FMN1: variants seen among roughly 807,000 people sequenced by gnomAD.
The protein encoded by FMN1 is formin-1.
Under a neutral mutation model 132.4 loss-of-function variants are expected in FMN1, and 110 were observed. That is an observed-to-expected ratio of 0.83 (90% CI 0.71 to 0.97). The LOEUF is 0.97. FMN1 is among the 50% of genes least tolerant of loss of function. FMN1 has a pLI of 0.00. For synonymous variants in FMN1, 722 were observed against 651.7 expected (o/e 1.11, Z -1.64); for missense variants, 1,792 against 1,705.3 (o/e 1.05, Z -0.90).
intron 4 of FMN1, among the ~76,000 whole-genome samples, chr15:33,126,056 A>G (rs1415205876): frequency 6.6e-6 from 1 of 152,164 alleles, no homozygotes; most frequent in Non-Finnish European, 1.5e-5. Flanking sequence ...AAAAACAGAT[A>G]AGGTGGATGA....
At chr15:32,959,668 G>C (rs572680753) in intron 9 of FMN1, among the ~76,000 whole-genome samples, 1 of 152,240 alleles carries the variant, frequency 6.6e-6, no homozygotes, top group South Asian at 2.1e-4. Context: ...CTCAGACAGA[G>C]AAACAAAATA....
chr15:32,902,271 T>C (rs1212385267), intron 12 of FMN1, among the ~76,000 whole-genome samples: 1 of 152,190 alleles, frequency 6.6e-6, no homozygotes, highest in Non-Finnish European at 1.5e-5. Context: ...GGTATAGAAA[T>C]TCCTTCGGGA....
intron 19 of FMN1, among the ~76,000 whole-genome samples, chr15:32,794,922 G>A (rs749541361): frequency 2.6e-5 from 4 of 152,218 alleles, no homozygotes; most frequent in South Asian, 2.1e-4. Flanking sequence ...AGGATCAGGC[G>A]TGGTGGCTCA....
chr15:33,019,549 A>G (rs1383411910), intron 6 of FMN1, among the ~76,000 whole-genome samples: 1 of 152,066 alleles, frequency 6.6e-6, no homozygotes, highest in Non-Finnish European at 1.5e-5. Flanking sequence ...CTTGTCGGGG[A>G]GGCTCTGGCA....
rs2038296925 is a variant in FMN1, at chr15:33,078,144, G to A, written c.2043+10655C>T. Among the ~76,000 whole-genome samples the A allele has an allele frequency of 2.0e-5, 3 of 152,318 alleles. No homozygotes were observed. In the South Asian group the frequency reaches 6.2e-4, roughly 32 times the overall value. ...ACACACTAGCTTTTTGTCACTTGAGGCAGGTTCTTTAACGTCTCTAAGATA... is the reference window on the plus strand; with the variant it reads ...ACACACTAGCTTTTTGTCACTTGAGACAGGTTCTTTAACGTCTCTAAGATA... On this transcript the variant is annotated intron_variant, in intron 5 of 20. Coordinates refer to ENST00000616417, the MANE Select transcript of FMN1 (RefSeq NM_001277313.2).
chr15:32,993,795 CCTGT>C (rs2033590294), intron 7 of FMN1, among the ~76,000 whole-genome samples: 1 of 151,302 alleles, frequency 6.6e-6, no homozygotes, highest in South Asian at 2.1e-4. Flanking sequence ...CTCTCTTGAC[CCTGT>C]CTTAGAGCCA....
intron 16 of FMN1, among the ~76,000 whole-genome samples, chr15:32,881,625 A>C (rs2141442247): frequency 6.6e-6 from 1 of 152,308 alleles, no homozygotes; most frequent in South Asian, 2.1e-4. Flanking sequence ...TAGTAATTAA[A>C]GAAAATTTTC....
At chr15:32,856,090 G>C (rs2059125613) in intron 17 of FMN1, among the ~76,000 whole-genome samples, 1 of 152,192 alleles carries the variant, frequency 6.6e-6, no homozygotes, top group Admixed American at 6.5e-5. Flanking sequence ...CTGACTCATA[G>C]ACTGAGAATT....
At chr15:32,823,715 AT>A (rs1210266002) in intron 17 of FMN1, among the ~76,000 whole-genome samples, 1 of 152,240 alleles carries the variant, frequency 6.6e-6, no homozygotes, top group Admixed American at 6.5e-5. Context: ...TGGTGGTACA[AT>A]CATAACCATT....
At chr15:33,153,007 C>T in intron 4 of FMN1, 41 bp downstream of exon 4, 1 of 1,446,780 alleles carries the variant, frequency 6.9e-7, no homozygotes, top group Non-Finnish European at 9.1e-7. Flanking sequence ...GTTCCCCAAT[C>T]AGCCAAGAAT....
At chr15:33,028,528 AAAATAAAAAT>A (rs942588973) in intron 6 of FMN1, among the ~76,000 whole-genome samples, 119 of 151,808 alleles carry the variant, frequency 7.8e-4, no homozygotes, top group African/African-American at 2.6e-3. Context: ...AATAAAAATA[AAAATAAAAAT>A]AAATAAATAA....
Position 32,942,788 on chromosome 15 carries a change from A to T in FMN1, c.3139-16527T>A, listed in dbSNP as rs907837786. Among the ~76,000 whole-genome samples, 7 of 152,168 alleles carry T rather than the reference A, an allele frequency of 4.6e-5. No homozygotes were observed. In the East Asian group the frequency reaches 7.7e-4, roughly 17 times the overall value. On this transcript the variant is annotated intron_variant, in intron 9 of 20. Coordinates refer to ENST00000616417, the MANE Select transcript of FMN1 (RefSeq NM_001277313.2). ...CCTAGAGCCTGGCAAATAAGCAGAGAGTTTTTTCAAATACAGCCACATGTG... is the reference window on the plus strand; with the variant it reads ...CCTAGAGCCTGGCAAATAAGCAGAGTGTTTTTTCAAATACAGCCACATGTG...
chr15:33,165,100 T>C (rs1566962442), intron 3 of FMN1, among the ~76,000 whole-genome samples: 2 of 152,250 alleles, frequency 1.3e-5, no homozygotes, highest in Non-Finnish European at 1.5e-5. Context: ...AGGAGATTCC[T>C]ACTCGTTGAA....
chr15:32,980,676 T>C (rs768445307), intron 7 of FMN1, among the ~76,000 whole-genome samples: 3 of 152,244 alleles, frequency 2.0e-5, no homozygotes, highest in Non-Finnish European at 2.9e-5. Context: ...TCTATGTCTC[T>C]AAAATGGTTT....
At chr15:33,115,841 T>G (rs2039902590) in intron 4 of FMN1, among the ~76,000 whole-genome samples, 1 of 152,176 alleles carries the variant, frequency 6.6e-6, no homozygotes, top group Non-Finnish European at 1.5e-5. Context: ...GTCATGAGAT[T>G]TTATTAACCT....
intron 7 of FMN1, among the ~76,000 whole-genome samples, chr15:32,988,942 A>G (rs2033259327): frequency 6.6e-6 from 1 of 152,224 alleles, no homozygotes; most frequent in Non-Finnish European, 1.5e-5. Context: ...GTCTAAACGC[A>G]CAACATCTGA....
At chr15:32,929,391 C>T (rs2061047301) in intron 9 of FMN1, among the ~76,000 whole-genome samples, 1 of 152,010 alleles carries the variant, frequency 6.6e-6, no homozygotes, top group Non-Finnish European at 1.5e-5. Context: ...TTTTTTTTCT[C>T]CCATGGCTTT....
chr15:33,079,514 T>G (rs1482856488), intron 5 of FMN1, among the ~76,000 whole-genome samples: 1 of 152,172 alleles, frequency 6.6e-6, no homozygotes, highest in African/African-American at 2.4e-5. Flanking sequence ...TCCCAGCTAC[T>G]TGGGAGGCTG....
rs888443650 is a variant in FMN1 at position 32,971,664 on chromosome 15, G to C, written c.2224-2187C>G. 5.9e-5 allele frequency among the ~76,000 whole-genome samples: 9 copies of C among 152,106 alleles called. 1 individual carries two copies. Among genetic ancestry groups the C allele is most frequent in the Admixed American group, 5.2e-4 (8 of 15,282 alleles). On this transcript the variant is annotated intron_variant, in intron 7 of 20. Coordinates refer to ENST00000616417, the MANE Select transcript of FMN1 (RefSeq NM_001277313.2). ...TATTCTCAACTAAACCTTCTTTCAA[G>C]ATTAAGAATCAAATATTCAAGAAGC...
Sources: allele counts gnomAD v4.1 joint callset (sites outside exome capture counted in the v4.1 genomes callset), GRCh38; gene constraint gnomAD v4.1.1; transcripts MANE v1.5; gene names NCBI Gene and HGNC (gene_info 2026-07-23, HGNC 2026-07-21).